Variants in ANKRD18B observed in about 807,000 individuals in gnomAD.
ANKRD18B encodes ankyrin repeat domain-containing protein 18B.
Under a neutral mutation model 111.8 loss-of-function variants are expected in ANKRD18B, and 75 were observed. That is an observed-to-expected ratio of 0.67 (90% CI 0.56 to 0.81). The LOEUF is 0.81. Ranked by LOEUF, ANKRD18B falls within the 40% of genes least tolerant of loss-of-function variation. The probability of loss-of-function intolerance (pLI) is 0.00; values close to 1 mark genes in which losing one functional copy is unlikely to be tolerated. For missense variants in ANKRD18B, 1,038 were observed against 1,225.5 expected, an observed-to-expected ratio of 0.85 and a Z score of 2.28; for synonymous variants, 356 against 417.3, an observed-to-expected ratio of 0.85 and a Z score of 1.79.
intron 17 of ANKRD18B, among the ~76,000 whole-genome samples, chr9:33,569,716 GT>G (rs1828741324): frequency 1.3e-5 from 2 of 152,062 alleles, no homozygotes; most frequent in East Asian, 1.9e-4. Flanking sequence ...AACACTGAAA[GT>G]TCATTTCCAT....
intron 14 of ANKRD18B, among the ~76,000 whole-genome samples, chr9:33,565,419 G>C (rs55811451): frequency 5.3e-5 from 8 of 152,048 alleles, no homozygotes; most frequent in African/African-American, 1.9e-4. Flanking sequence ...AAACATTTGC[G>C]GTTTAGGGAA....
intron 17 of ANKRD18B, among the ~76,000 whole-genome samples, chr9:33,569,353 C>T (rs1361822378): frequency 6.6e-6 from 1 of 150,456 alleles, no homozygotes; most frequent in Non-Finnish European, 1.5e-5. Flanking sequence ...CAACCTCCGC[C>T]TCCTGGGTTC....
Position 33,568,843 on chromosome 9 carries a change from C to A in ANKRD18B, c.3127C>A (p.Pro1043Thr). 1 of 1,551,386 alleles carries A rather than the reference C, an allele frequency of 6.4e-7. No individual in the cohort carries two copies. The highest frequency in any genetic ancestry group is 8.7e-7 in the Non-Finnish European group (1 of 1,146,742). The change falls in exon 17 of 19, where the codon CCT (proline) becomes ACT (threonine). Residue 1043 changes from proline to threonine, a missense_variant. By Grantham distance (38) the Pro-to-Thr change is conservative. Around this residue, in one of 4 missense-constraint regions of ANKRD18B, gnomAD observed 524 missense variants for 677.9 expected, o/e 0.77. Coordinates refer to ENST00000684830, the MANE Select transcript of ANKRD18B (RefSeq NM_001393611.1). ...KYIPKMAIRI[P>T]TSNPQTSNNC... ...TATTCCCAAAATGGCCATAAGAATT[C>A]CTACTTCAAACCCACAGACTTCAAA...
chr9:33,534,269 A>C (rs1401154769), intron 4 of ANKRD18B, 101 bp from the exon 5 acceptor site: 42 of 1,439,566 alleles, frequency 2.9e-5, no homozygotes, highest in Non-Finnish European at 3.5e-5. Flanking sequence ...TATTATGTCT[A>C]TCCTGACAGG....
At position 33,567,088 on chromosome 9, in the gene ANKRD18B, T is replaced by C. The variant is rs1381135973; in HGVS notation, c.2743-15T>C. ...TATAATTGTTTTAAAAGTGTATTCTTTTCATTTGTTTTAGAAACAAGCAGA... is the reference window on the plus strand; with the variant it reads ...TATAATTGTTTTAAAAGTGTATTCTCTTCATTTGTTTTAGAAACAAGCAGA... On this transcript the variant is annotated splice_polypyrimidine_tract_variant and intron_variant, in intron 15 of 18. Coordinates refer to ENST00000684830, the MANE Select transcript of ANKRD18B (RefSeq NM_001393611.1). The C allele has an allele frequency of 6.6e-7, 1 of 1,510,378 alleles. No homozygotes were observed. The highest frequency in any genetic ancestry group is 1.3e-5 in the South Asian group (1 of 77,026). 93.6% of individuals were successfully genotyped at this position (1,510,378 alleles called of 1,614,324 possible). A position where few individuals can be genotyped will look rare whatever the true frequency, so the allele number is the denominator to read the frequency against.
Position 33,548,517 on chromosome 9 carries a change from A to G in ANKRD18B, c.1729A>G (p.Ser577Gly). 6.4e-7 allele frequency: 1 copy of G among 1,551,088 alleles called. No homozygotes were observed. The highest frequency in any genetic ancestry group is 8.7e-7 in the Non-Finnish European group (1 of 1,146,614). ...ALREKTLALE[S>G]VQLDLKQAQH... The stretch of plus-strand genomic sequence containing the variant: ...CAGGGAAAAGACATTGGCTTTAGAA[A>G]GTGTACAGCTGGACCTAAAGCAAGC... Residue 577 changes from serine (S) to glycine (G), a missense_variant, in exon 11 of 19, where the codon AGT becomes GGT. Physicochemically the swap from Ser to Gly is moderately conservative, Grantham distance 56. This residue lies in a region of ANKRD18B where 524 missense variants were observed against 677.9 expected (regional missense o/e 0.77). Transcript: ENST00000684830.
Position 33,533,863 on chromosome 9 carries a change from A to AACTACT in ANKRD18B, c.602+323_602+328dup, listed in dbSNP as rs1269132295. 3.5e-5 allele frequency: 6 copies of AACTACT among 171,212 alleles called. No homozygotes were observed. The Admixed American group carries it at 3.9e-4, about 11-fold the overall frequency. 10.6% of individuals were successfully genotyped at this position (171,212 alleles called of 1,614,324 possible). A position where few individuals can be genotyped will look rare whatever the true frequency, so the allele number is the denominator to read the frequency against. ...GTGTAGACTTTAACTTTCAGTTTAC[A>AACTACT]ACTACTACTATTACCATTATCATTA... On this transcript the variant is annotated intron_variant, in intron 4 of 18. Coordinates refer to ENST00000684830, the MANE Select transcript of ANKRD18B (RefSeq NM_001393611.1).
At chr9:33,540,525 C>T (rs1296252574) in intron 8 of ANKRD18B, among the ~76,000 whole-genome samples, 1 of 152,148 alleles carries the variant, frequency 6.6e-6, no homozygotes, top group Non-Finnish European at 1.5e-5. Flanking sequence ...CAAGAAACAA[C>T]AAGGAACTGC....
At chr9:33,560,255 C>T (rs1200257677) in intron 14 of ANKRD18B, among the ~76,000 whole-genome samples, 1 of 152,170 alleles carries the variant, frequency 6.6e-6, no homozygotes, top group Non-Finnish European at 1.5e-5. Flanking sequence ...GAGAGGGGTC[C>T]TGCAAACAGA....
chr9:33,564,138 T>C (rs1046843878), intron 14 of ANKRD18B, among the ~76,000 whole-genome samples: 2 of 152,212 alleles, frequency 1.3e-5, no homozygotes, highest in South Asian at 2.1e-4. Context: ...TCTGATTTTT[T>C]ACTTTGTAGA....
At chr9:33,542,076 C>T (rs1171844087) in intron 9 of ANKRD18B, among the ~76,000 whole-genome samples, 7 of 151,632 alleles carry the variant, frequency 4.6e-5, no homozygotes. Flanking sequence ...CAGGCATGAT[C>T]TCTAGAAAAG....
chr9:33,554,021 G>A (rs1019414596), intron 12 of ANKRD18B, among the ~76,000 whole-genome samples: 21 of 150,658 alleles, frequency 1.4e-4, no homozygotes, highest in African/African-American at 4.4e-4. Flanking sequence ...GCAGTGAGCC[G>A]ACATGGCACC....
intron 3 of ANKRD18B, 94 bp downstream of exon 3, chr9:33,529,267 A>C (rs1160230682): frequency 7.0e-7 from 1 of 1,431,668 alleles, no homozygotes; most frequent in East Asian, 2.5e-5. Context: ...AGTATTCCTG[A>C]ATGAAAATGT....
Position 33,529,048 on chromosome 9 carries a change from G to A in ANKRD18B, c.370G>A (p.Gly124Ser). ...EACAIILLKR[G>S]ANPNIKDIYG... ...TTGTGCCATTATTCTCCTGAAACGT[G>A]GCGCCAATCCAAACATTAAGGATAT... The change falls in exon 3 of 19, where the codon GGC becomes AGC. Residue 124 changes from glycine to serine, a missense_variant. Gly to Ser is a moderately conservative substitution (Grantham distance 56, BLOSUM62 0). Coordinates refer to ENST00000684830, the MANE Select transcript of ANKRD18B (RefSeq NM_001393611.1). 1 of 1,612,224 alleles carries A rather than the reference G, an allele frequency of 6.2e-7. No homozygotes were observed. The highest frequency in any genetic ancestry group is 8.5e-7 in the Non-Finnish European group (1 of 1,179,846).
At chr9:33,570,292 A>G (rs1169121575) in intron 17 of ANKRD18B, among the ~76,000 whole-genome samples, 1 of 152,190 alleles carries the variant, frequency 6.6e-6, no homozygotes, top group Non-Finnish European at 1.5e-5. Context: ...ACCAGGAAAT[A>G]AGAATGGGGA....
rs201140503 is a variant in ANKRD18B at position 33,568,820 on chromosome 9, T to A, written c.3104T>A (p.Ile1035Asn). The part of the protein sequence containing the change: ...LNSIELNRKY[I>N]PKMAIRIPTS... ...AGTATAGAACTCAACAGAAAATATA[T>A]TCCCAAAATGGCCATAAGAATTCCT... Residue 1035 changes from isoleucine (I) to asparagine (N), a missense_variant, in exon 17 of 19, where the codon ATT (isoleucine) becomes AAT (asparagine). By Grantham distance (149) the Ile-to-Asn change is moderately radical (BLOSUM62 -3). Transcript: ENST00000684830. The A allele has an allele frequency of 1.3e-4, 194 of 1,551,268 alleles. No individual in the cohort carries two copies. Among genetic ancestry groups the A allele is most frequent in the Non-Finnish European group, 1.7e-4 (190 of 1,146,774 alleles).
intron 11 of ANKRD18B, among the ~76,000 whole-genome samples, chr9:33,549,981 G>T (rs765736675): frequency 2.0e-5 from 3 of 152,132 alleles, no homozygotes; most frequent in Non-Finnish European, 4.4e-5. Flanking sequence ...TCAGACTAAT[G>T]AGGGGTGGCA....
chr9:33,534,757 T>A (rs2118000610), intron 5 of ANKRD18B, among the ~76,000 whole-genome samples: 1 of 152,268 alleles, frequency 6.6e-6, no homozygotes, highest in East Asian at 1.9e-4. Flanking sequence ...GTTCATTTTA[T>A]TCCAAGTATA....
At chr9:33,565,003 G>A (rs1828664450) in intron 14 of ANKRD18B, among the ~76,000 whole-genome samples, 1 of 152,000 alleles carries the variant, frequency 6.6e-6, no homozygotes, top group East Asian at 1.9e-4. Context: ...CCATTCTACA[G>A]GTTTTCTCTT....
Sources: gnomAD v4.1 joint callset for allele counts (sites outside exome capture counted in the v4.1 genomes callset) on GRCh38, gnomAD v4.1.1 for gene constraint, gnomAD v4.1.1 regional missense constraint, MANE v1.5 for transcripts, NCBI Gene and HGNC (gene_info 2026-07-23, HGNC 2026-07-21) for gene names.